The following PRKN variants were observed in gnomAD, a reference collection of about 807,000 sequenced individuals.
PRKN encodes parkin RBR E3 ubiquitin protein ligase.
In PRKN, 56 loss-of-function variants were observed where a neutral mutation model predicts 59.5. The ratio of observed to expected loss-of-function variants is 0.94; its 90% CI spans 0.76 to 1.18. PRKN has a LOEUF of 1.18. PRKN is among the 50% of genes most tolerant of loss of function. The probability of loss-of-function intolerance (pLI) is 0.00; values close to 1 mark genes in which losing one functional copy is unlikely to be tolerated. For missense variants in PRKN, 657 were observed against 596.4 expected, an observed-to-expected ratio of 1.10 and a Z score of -1.06; for synonymous variants, 250 against 222.1, an observed-to-expected ratio of 1.13 and a Z score of -1.12.
At chr6:162,264,134 G>A (rs912517821) in intron 2 of PRKN, among the ~76,000 whole-genome samples, 4 of 151,876 alleles carry the variant, frequency 2.6e-5, no homozygotes, top group Admixed American at 1.3e-4. Context: ...AAAATTAGCC[G>A]GCTTTGGTGG....
At chr6:162,174,816 A>T (rs1443393281) in intron 4 of PRKN, among the ~76,000 whole-genome samples, 2 of 152,222 alleles carry the variant, frequency 1.3e-5, no homozygotes, top group Non-Finnish European at 2.9e-5. Context: ...CCCAACAGAA[A>T]GTCATTGTGT....
chr6:162,436,668 G>A (rs973265197), intron 2 of PRKN, among the ~76,000 whole-genome samples: 5 of 152,130 alleles, frequency 3.3e-5, no homozygotes, highest in Middle Eastern at 3.4e-3. Context: ...TAAAAACTAT[G>A]TACAACTGGA....
chr6:161,779,495 A>C (rs1562678047), intron 7 of PRKN, among the ~76,000 whole-genome samples: 2 of 106,328 alleles, frequency 1.9e-5, no homozygotes. Flanking sequence ...CTCAGTCTGG[A>C]GTGCAGTGGT....
chr6:161,968,334 C>A (rs2128250448), intron 6 of PRKN, among the ~76,000 whole-genome samples: 1 of 152,070 alleles, frequency 6.6e-6, no homozygotes, highest in Admixed American at 6.6e-5. Context: ...TCACCATGCC[C>A]AGCCTCAGTG....
intron 7 of PRKN, among the ~76,000 whole-genome samples, chr6:161,706,914 A>T (rs887762852): frequency 3.9e-5 from 6 of 152,200 alleles, no homozygotes; most frequent in South Asian, 2.1e-4. Context: ...CAGAAAGAGA[A>T]ATTTTTAATG....
chr6:162,562,485 C>T (rs1183483827), intron 1 of PRKN, among the ~76,000 whole-genome samples: 2 of 152,086 alleles, frequency 1.3e-5, no homozygotes, highest in Non-Finnish European at 2.9e-5. Flanking sequence ...AGGGTGAGTC[C>T]CAGACCAGGT....
chr6:161,696,015 T>C (rs1786006989), intron 7 of PRKN, among the ~76,000 whole-genome samples: 1 of 152,198 alleles, frequency 6.6e-6, no homozygotes, highest in African/African-American at 2.4e-5. Context: ...ATCCAAGCAT[T>C]ACATACGTCT....
In PRKN at chr6:161,350,122, C is replaced by T. The variant is rs2114825087; in HGVS notation, c.1375G>A (p.Gly459Arg). The T allele has an allele frequency of 1.2e-6, 2 of 1,613,224 alleles. No individual in the cohort carries two copies. The highest frequency in any genetic ancestry group is 1.7e-6 in the Non-Finnish European group (2 of 1,179,590). Reference sequence around the variant, plus strand: ...GGCTACACGTCGAACCAGTGGTCCCCCATGCAGACGCGGTTCCACTCGCAG... The same window carrying T: ...GGCTACACGTCGAACCAGTGGTCCCTCATGCAGACGCGGTTCCACTCGCAG... ...CGCEWNRVCMGDHWFDV is the reference protein window; with the variant it reads ...CGCEWNRVCMRDHWFDV The change falls in exon 12 of 12, where the codon GGG (glycine) becomes AGG (arginine). Residue 459 changes from glycine to arginine, a missense_variant. Coordinates refer to ENST00000366898, the MANE Select transcript of PRKN (RefSeq NM_004562.3).
intron 4 of PRKN, among the ~76,000 whole-genome samples, chr6:162,070,875 C>A (rs1778546922): frequency 6.6e-6 from 1 of 151,986 alleles, no homozygotes; most frequent in South Asian, 2.1e-4. Context: ...CCTAACAGGC[C>A]ACCCCTGCTG....
At chr6:162,377,835 T>C (rs535922150) in intron 2 of PRKN, among the ~76,000 whole-genome samples, 1 of 152,344 alleles carries the variant, frequency 6.6e-6, no homozygotes, top group East Asian at 1.9e-4. Context: ...GCTTGGCATG[T>C]TTTGGTTATT....
At position 162,569,376 on chromosome 6, in the gene PRKN, TG is replaced by T. The variant is rs1011666046; in HGVS notation, c.8-125904del. ...GCCCTGCAACAGGCCATGCAGGACA[TG>T]GCGTGGCAGCTGCATGAGTACCAGA... On this transcript the variant is annotated intron_variant, in intron 1 of 11. Transcript: ENST00000366898. The T allele has an allele frequency of 6.1e-6, 4 of 654,014 alleles. No individual in the cohort carries two copies. In the African/African-American group the frequency reaches 7.1e-5, roughly 12 times the overall value. The allele number at this position is 654,014 out of a possible 1,614,324, so 40.5% of individuals were successfully genotyped here.
rs369487769 is a variant in PRKN at position 161,552,360 on chromosome 6, T to G, written c.934-3357A>C. Among the ~76,000 whole-genome samples the G allele has an allele frequency of 1.3e-3, 182 of 141,780 alleles. 10 individuals are homozygous for G. Among genetic ancestry groups the G allele is most frequent in the African/African-American group, 5.2e-3 (178 of 34,162 alleles). 93.0% of individuals were successfully genotyped at this position (141,780 alleles called of 152,430 possible). A position where few individuals can be genotyped will look rare whatever the true frequency, so the allele number is the denominator to read the frequency against. ...ACTGTGAATGATCTCACGGTGATCC[T>G]CCAAGCCCCTCTCCCTCAGCTCTGT... On this transcript the variant is annotated intron_variant, in intron 8 of 11. Transcript: ENST00000366898. The surrounding 1 kb of genome is among the most constrained non-coding windows in gnomAD (Gnocchi z 4.9).
intron 4 of PRKN, among the ~76,000 whole-genome samples, chr6:162,196,458 C>G (rs1379613945): frequency 6.6e-6 from 1 of 152,170 alleles, no homozygotes; most frequent in African/African-American, 2.4e-5. Context: ...AACTCTGTCT[C>G]ATTTCTGCAT....
chr6:162,644,066 C>T (rs1778069788), intron 1 of PRKN: 3 of 152,284 alleles, frequency 2.0e-5, no homozygotes. Flanking sequence ...TCTACCTCCT[C>T]TCTGACTCCA....
At chr6:161,522,605 T>C (rs1180724679) in intron 9 of PRKN, among the ~76,000 whole-genome samples, 1 of 152,244 alleles carries the variant, frequency 6.6e-6, no homozygotes, top group East Asian at 1.9e-4. Flanking sequence ...TACAGGGCAC[T>C]GCAACAGCTT....
rs559637349 is a variant in PRKN, at chr6:162,414,520, A to G, written c.171+28790T>C. Among the ~76,000 whole-genome samples the G allele has an allele frequency of 5.9e-5, 9 of 151,774 alleles. No homozygotes were observed. The East Asian group carries it at 1.6e-3, about 26-fold the overall frequency. On this transcript the variant is annotated intron_variant, in intron 2 of 11. Coordinates refer to ENST00000366898, the MANE Select transcript of PRKN (RefSeq NM_004562.3). ...CAGGAGATCAAGACCATCCTGGCTAACATGGTGAAACCCCTATCTCTACTA... is the reference window on the plus strand; with the variant it reads ...CAGGAGATCAAGACCATCCTGGCTAGCATGGTGAAACCCCTATCTCTACTA...
intron 6 of PRKN, among the ~76,000 whole-genome samples, chr6:161,788,664 A>G (rs1790520462): frequency 1.4e-5 from 2 of 139,942 alleles, no homozygotes; most frequent in Admixed American, 1.3e-4. Flanking sequence ...TAGCATTGGA[A>G]GTGAAGACAG....
intron 7 of PRKN, among the ~76,000 whole-genome samples, chr6:161,690,263 AC>A (rs1298132969): frequency 5.9e-5 from 9 of 152,164 alleles, no homozygotes; most frequent in African/African-American, 2.2e-4. Context: ...AATGGAAGGC[AC>A]TGCTGCGCAC....
chr6:162,520,012 G>A (rs1778021983), intron 1 of PRKN, among the ~76,000 whole-genome samples: 2 of 152,160 alleles, frequency 1.3e-5, no homozygotes, highest in South Asian at 2.1e-4. Context: ...TGCTTTGGAA[G>A]GCCAAGGCAG....
Sources: allele counts gnomAD v4.1 joint callset (sites outside exome capture counted in the v4.1 genomes callset), GRCh38; gene constraint gnomAD v4.1.1; non-coding constraint Gnocchi (gnomAD v3.1); transcripts MANE v1.5; gene names NCBI Gene and HGNC (gene_info 2026-07-23, HGNC 2026-07-21).